Variants in SPIRE1 observed in about 807,000 individuals in gnomAD.
The protein encoded by SPIRE1 is spire type actin nucleation factor 1.
In SPIRE1, 40 loss-of-function variants were observed where a neutral mutation model predicts 94.1. The ratio of observed to expected loss-of-function variants is 0.43; its 90% CI spans 0.33 to 0.55. SPIRE1 has a LOEUF of 0.55. Ranked by LOEUF, SPIRE1 falls within the 20% of genes least tolerant of loss-of-function variation. The pLI is 0.06. For synonymous variants in SPIRE1, 376 were observed against 371.7 expected (o/e 1.01, Z -0.13); for missense variants, 838 against 975.2 (o/e 0.86, Z 1.87).
chr18:12,485,351 C>CA (rs2032999419), intron 9 of SPIRE1, among the ~76,000 whole-genome samples: 1 of 152,102 alleles, frequency 6.6e-6, no homozygotes, highest in African/African-American at 2.4e-5. Context: ...AAGATCCGCC[C>CA]ACCTCAGCTT....
At chr18:12,621,395 A>G (rs1340714596) in intron 2 of SPIRE1, among the ~76,000 whole-genome samples, 1 of 152,020 alleles carries the variant, frequency 6.6e-6, no homozygotes, top group African/African-American at 2.4e-5. Flanking sequence ...AAATGAAAAC[A>G]TATGTCCACA....
intron 2 of SPIRE1, among the ~76,000 whole-genome samples, chr18:12,577,036 T>C (rs2036123301): frequency 6.6e-6 from 1 of 152,080 alleles, no homozygotes. Flanking sequence ...CCAAGGTAGT[T>C]CAATGGGGAA....
At chr18:12,498,202 G>A (rs148693246) in intron 6 of SPIRE1, among the ~76,000 whole-genome samples, 104 of 152,318 alleles carry the variant, frequency 6.8e-4, no homozygotes, top group African/African-American at 1.9e-3. Flanking sequence ...GGTTTGTGAC[G>A]CTAAACCTGT....
At chr18:12,532,779 G>A (rs896554367) in intron 4 of SPIRE1, among the ~76,000 whole-genome samples, 1 of 152,188 alleles carries the variant, frequency 6.6e-6, no homozygotes, top group Non-Finnish European at 1.5e-5. Flanking sequence ...AGAGGTGAAA[G>A]AAACTTACAT....
rs1019756843 is a variant in SPIRE1, at chr18:12,486,052, T to C, written c.1190-52A>G. 3 of 1,388,790 alleles carry C rather than the reference T, an allele frequency of 2.2e-6. No homozygotes were observed. The African/African-American group carries it at 4.4e-5, about 20-fold the overall frequency. 86.0% of individuals were successfully genotyped at this position (1,388,790 alleles called of 1,614,324 possible). A position where few individuals can be genotyped will look rare whatever the true frequency, so the allele number is the denominator to read the frequency against. On this transcript the variant is annotated intron_variant, in intron 8 of 16. Transcript: ENST00000409402. ...AAGAAAATAATTCAGCTGTTAGGAA[T>C]ATACAGAGAGGACAAAAAAGGGAAC... is the stretch of plus-strand genomic sequence containing the variant.
intron 2 of SPIRE1, among the ~76,000 whole-genome samples, chr18:12,607,334 C>A (rs962455312): frequency 2.0e-5 from 3 of 152,042 alleles, no homozygotes; most frequent in Non-Finnish European, 4.4e-5. Context: ...TGATTCTCTC[C>A]TAGCTAAAAA....
At chr18:12,573,857 A>G (rs978748830) in intron 2 of SPIRE1, among the ~76,000 whole-genome samples, 3 of 151,782 alleles carry the variant, frequency 2.0e-5, no homozygotes, top group African/African-American at 7.3e-5. Flanking sequence ...CTCCTGCCTC[A>G]GCCTCCCGAG....
chr18:12,507,947 C>T (rs545490655), intron 5 of SPIRE1, among the ~76,000 whole-genome samples: 79 of 151,886 alleles, frequency 5.2e-4, no homozygotes, highest in African/African-American at 1.9e-3. Flanking sequence ...AAGATCGAGA[C>T]CATCCTGGCT....
At chr18:12,477,837 G>A (rs2032665810) in intron 10 of SPIRE1, among the ~76,000 whole-genome samples, 1 of 152,284 alleles carries the variant, frequency 6.6e-6, no homozygotes, top group African/African-American at 2.4e-5. Flanking sequence ...GTGCGTGGCT[G>A]AGGCATAAAC....
intron 2 of SPIRE1, among the ~76,000 whole-genome samples, chr18:12,582,148 T>C (rs2036272441): frequency 6.6e-6 from 1 of 152,166 alleles, no homozygotes; most frequent in Non-Finnish European, 1.5e-5. Flanking sequence ...TAAACCATGG[T>C]AAATTTCAAC....
At chr18:12,616,474 C>T (rs773806223) in intron 2 of SPIRE1, among the ~76,000 whole-genome samples, 19 of 152,148 alleles carry the variant, frequency 1.2e-4, no homozygotes, top group Non-Finnish European at 2.2e-4. Context: ...GTTTTACTTG[C>T]GGGTGGGTGG....
intron 2 of SPIRE1, among the ~76,000 whole-genome samples, chr18:12,593,391 A>G (rs2036586120): frequency 6.6e-6 from 1 of 152,244 alleles, no homozygotes. Flanking sequence ...ACAATTTTTA[A>G]ACATTTTATG....
intron 12 of SPIRE1, among the ~76,000 whole-genome samples, chr18:12,457,427 G>A (rs2031561387): frequency 6.6e-6 from 1 of 152,218 alleles, no homozygotes; most frequent in Non-Finnish European, 1.5e-5. Context: ...TCTGGAATGT[G>A]GAGGGCACTC....
At chr18:12,639,188 C>A (rs1418858204) in intron 1 of SPIRE1, among the ~76,000 whole-genome samples, 1 of 151,198 alleles carries the variant, frequency 6.6e-6, no homozygotes, top group East Asian at 2.0e-4. Flanking sequence ...GTGGCATGAT[C>A]TTGGCTCACT....
chr18:12,584,137 A>G (rs1261904158), intron 2 of SPIRE1, among the ~76,000 whole-genome samples: 1 of 152,182 alleles, frequency 6.6e-6, no homozygotes, highest in Non-Finnish European at 1.5e-5. Context: ...GAAATATCAA[A>G]AAGAAAAATG....
intron 2 of SPIRE1, among the ~76,000 whole-genome samples, chr18:12,619,852 A>AG (rs2037416890): frequency 6.6e-6 from 1 of 151,526 alleles, no homozygotes; most frequent in African/African-American, 2.4e-5. Context: ...CCTCAGGAAA[A>AG]AAAAAAAAAA....
At chr18:12,606,533 A>T (rs1451646746) in intron 2 of SPIRE1, among the ~76,000 whole-genome samples, 1 of 145,540 alleles carries the variant, frequency 6.9e-6, no homozygotes, top group African/African-American at 2.5e-5. Context: ...TAATTATCTG[A>T]TTTTTTTTTT....
At chr18:12,655,227 AAAAAAAAAAAGAAG>A (rs779800070) in intron 1 of SPIRE1, among the ~76,000 whole-genome samples, 65 of 148,104 alleles carry the variant, frequency 4.4e-4, no homozygotes, top group Non-Finnish European at 9.2e-4. Context: ...GACCCTGTCA[AAAAAAAAAAAGAAG>A]AAAAGAAAAA....
chr18:12,496,702 T>C (rs895906539), intron 6 of SPIRE1, among the ~76,000 whole-genome samples: 1 of 152,076 alleles, frequency 6.6e-6, no homozygotes, highest in African/African-American at 2.4e-5. Context: ...ACCCTGTCTC[T>C]ACTAAAAATA....
Sources: allele counts gnomAD v4.1 joint callset (sites outside exome capture counted in the v4.1 genomes callset), GRCh38; gene constraint gnomAD v4.1.1; transcripts MANE v1.5; gene names NCBI Gene and HGNC (gene_info 2026-07-23, HGNC 2026-07-21).